The following PTPRD variants were observed in gnomAD, a reference collection of about 807,000 sequenced individuals.
PTPRD encodes the protein receptor-type tyrosine-protein phosphatase delta.
PTPRD carries 34 observed loss-of-function variants against 214.5 expected under a neutral mutation model. The ratio of observed to expected loss-of-function variants is 0.16; its 90% CI spans 0.12 to 0.21. PTPRD has a LOEUF of 0.21. PTPRD is among the 10% of genes least tolerant of loss of function. The probability of loss-of-function intolerance (pLI) is 1.00; values close to 1 mark genes in which losing one functional copy is unlikely to be tolerated. For missense variants in PTPRD, 2,545 were observed against 2,398.7 expected, an observed-to-expected ratio of 1.06 and a Z score of -1.27; for synonymous variants, 1,128 against 845.7, an observed-to-expected ratio of 1.33 and a Z score of -5.79.
rs78898059 is a variant in PTPRD, at chr9:8,343,464, C to G, written c.4662-1486G>C. 7.3e-3 allele frequency among the ~76,000 whole-genome samples: 1,115 copies of G among 152,100 alleles called. 12 individuals are homozygous for G. The highest frequency in any genetic ancestry group is 0.024 in the African/African-American group (1,008 of 41,518). ...GCACAGACCAATTGGCAACCTGATG[C>G]AAACATTAATATAGAGCAAAGTCGG... is the stretch of plus-strand genomic sequence containing the variant. On this transcript the variant is annotated intron_variant, in intron 39 of 45. Transcript: ENST00000381196.
At chr9:9,723,647 C>T (rs1468487186) in intron 7 of PTPRD, among the ~76,000 whole-genome samples, 3 of 152,014 alleles carry the variant, frequency 2.0e-5, no homozygotes, top group African/African-American at 4.8e-5. Flanking sequence ...TTAAGTCTTC[C>T]AATCCATGAA....
chr9:8,803,124 G>GAACT (rs1414372928), intron 11 of PTPRD, among the ~76,000 whole-genome samples: 13 of 152,034 alleles, frequency 8.6e-5, no homozygotes, highest in Admixed American at 2.6e-4. Flanking sequence ...GCGGTTAAAA[G>GAACT]AACTACACAA....
chr9:10,283,740 T>C (rs2095239722), intron 3 of PTPRD, among the ~76,000 whole-genome samples: 1 of 152,214 alleles, frequency 6.6e-6, no homozygotes, highest in Non-Finnish European at 1.5e-5. Flanking sequence ...TTTCATCTGA[T>C]TGACCTAATA....
intron 3 of PTPRD, among the ~76,000 whole-genome samples, chr9:10,084,896 A>G (rs2098306526): frequency 6.6e-6 from 1 of 151,940 alleles, no homozygotes; most frequent in East Asian, 1.9e-4. Context: ...CCTAGCATAC[A>G]TAGAAGATCT....
At chr9:9,466,225 C>T (rs2094143056) in intron 8 of PTPRD, among the ~76,000 whole-genome samples, 1 of 152,042 alleles carries the variant, frequency 6.6e-6, no homozygotes, top group South Asian at 2.1e-4. Flanking sequence ...GGGAGGATTG[C>T]TTGGGCCTAG....
chr9:9,779,588 G>T (rs766782932), intron 5 of PTPRD, among the ~76,000 whole-genome samples: 1 of 152,020 alleles, frequency 6.6e-6, no homozygotes, highest in Non-Finnish European at 1.5e-5. Flanking sequence ...AGGCAGCCAA[G>T]AAACATATAT....
At chr9:9,258,049 A>G (rs1268894015) in intron 9 of PTPRD, among the ~76,000 whole-genome samples, 1 of 151,812 alleles carries the variant, frequency 6.6e-6, no homozygotes, top group African/African-American at 2.4e-5. Context: ...GAATTTAAAG[A>G]GTAAGGCAGA....
chr9:10,187,228 C>T (rs1054359385), intron 3 of PTPRD, among the ~76,000 whole-genome samples: 1 of 152,028 alleles, frequency 6.6e-6, no homozygotes, highest in African/African-American at 2.4e-5. Context: ...AACACAGCAT[C>T]GTGTGTGAAA....
intron 3 of PTPRD, among the ~76,000 whole-genome samples, chr9:10,150,578 C>A (rs1055801192): frequency 2.0e-5 from 3 of 151,278 alleles, no homozygotes; most frequent in African/African-American, 7.3e-5. Context: ...AGTTAATGTG[C>A]AGCACACCAG....
intron 5 of PTPRD, among the ~76,000 whole-genome samples, chr9:9,851,490 C>T (rs1197962476): frequency 6.6e-6 from 1 of 152,072 alleles, no homozygotes; most frequent in African/African-American, 2.4e-5. Context: ...TACTGCAGGG[C>T]CTAAAGATTC....
intron 3 of PTPRD, among the ~76,000 whole-genome samples, chr9:10,239,697 G>A (rs1043322645): frequency 1.1e-5 from 1 of 87,912 alleles, no homozygotes; most frequent in Admixed American, 1.1e-4. Flanking sequence ...GATAACTACT[G>A]AATCCAGAAA....
At chr9:10,473,923 G>A (rs1168929650) in intron 2 of PTPRD, among the ~76,000 whole-genome samples, 2 of 151,676 alleles carry the variant, frequency 1.3e-5, no homozygotes, top group Non-Finnish European at 3.0e-5. Flanking sequence ...CCCTTGAAAG[G>A]AAAGTTTCAG....
intron 11 of PTPRD, among the ~76,000 whole-genome samples, chr9:8,923,269 T>C (rs1009781318): frequency 6.6e-6 from 1 of 152,014 alleles, no homozygotes; most frequent in Non-Finnish European, 1.5e-5. Flanking sequence ...CTCGAACTCC[T>C]GACCTTAGGT....
intron 11 of PTPRD, among the ~76,000 whole-genome samples, chr9:8,841,282 T>C (rs1203403499): frequency 1.3e-5 from 2 of 152,250 alleles, no homozygotes; most frequent in Non-Finnish European, 2.9e-5. Context: ...TTCCACGCTT[T>C]TGTGGATTAA....
chr9:8,955,760 A>C (rs2099128233), intron 11 of PTPRD, among the ~76,000 whole-genome samples: 1 of 151,654 alleles, frequency 6.6e-6, no homozygotes. Context: ...AATTAAAAAA[A>C]GTCTTTCACA....
intron 5 of PTPRD, among the ~76,000 whole-genome samples, chr9:9,885,852 C>A (rs2070680630): frequency 2.0e-5 from 3 of 151,098 alleles, no homozygotes; most frequent in Non-Finnish European, 4.4e-5. Flanking sequence ...GTTACAGCCA[C>A]AACAGGTTAA....
chr9:10,340,746 G>C (rs1157751472), intron 3 of PTPRD, among the ~76,000 whole-genome samples: 3 of 151,904 alleles, frequency 2.0e-5, no homozygotes, highest in African/African-American at 7.2e-5. Context: ...AATACTGTCA[G>C]AAGATTCCAT....
intron 8 of PTPRD, among the ~76,000 whole-genome samples, chr9:9,508,378 C>G (rs2096620042): frequency 6.6e-6 from 1 of 151,514 alleles, no homozygotes; most frequent in African/African-American, 2.4e-5. Context: ...CAAAAATGAC[C>G]TTTCGTGAGT....
chr9:10,307,855 T>C (rs2096134776), intron 3 of PTPRD, among the ~76,000 whole-genome samples: 1 of 152,008 alleles, frequency 6.6e-6, no homozygotes, highest in African/African-American at 2.4e-5. Flanking sequence ...TTTGTGCCAT[T>C]TGTATGTCTT....
Sources: allele counts gnomAD v4.1 joint callset (sites outside exome capture counted in the v4.1 genomes callset), GRCh38; gene constraint gnomAD v4.1.1; transcripts MANE v1.5; gene names NCBI Gene and HGNC (gene_info 2026-07-23, HGNC 2026-07-21).